Variants in DLEU7 observed in about 807,000 individuals in gnomAD.
DLEU7 encodes the protein leukemia-associated protein 7.
DLEU7 carries 17 observed loss-of-function variants against 16.0 expected under a neutral mutation model. That is an observed-to-expected ratio of 1.06 (90% CI 0.73 to 1.59). DLEU7 has a LOEUF of 1.59. DLEU7 is among the 40% of genes most tolerant of loss of function. The pLI is 0.00. For missense variants in DLEU7, 308 were observed against 314.9 expected (o/e 0.98, Z 0.17); for synonymous variants, 113 against 139.8 (o/e 0.81, Z 1.35).
intron 1 of DLEU7, among the ~76,000 whole-genome samples, chr13:50,725,616 A>G (rs919553093): frequency 1.3e-5 from 2 of 152,156 alleles, no homozygotes; most frequent in African/African-American, 4.8e-5. Flanking sequence ...TGTTTTCATC[A>G]AGAGCTAGTA....
intron 1 of DLEU7, among the ~76,000 whole-genome samples, chr13:50,725,890 TAACTC>T (rs1436788337): frequency 1.3e-5 from 2 of 152,182 alleles, no homozygotes; most frequent in African/African-American, 4.8e-5. Context: ...TATTAACAAA[TAACTC>T]TAATCATGAA....
chr13:50,805,201 G>C (rs1330681547), intron 1 of DLEU7, among the ~76,000 whole-genome samples: 1 of 152,028 alleles, frequency 6.6e-6, no homozygotes, highest in African/African-American at 2.4e-5. Context: ...TATTGCACTA[G>C]GTTAAGGAAG....
chr13:50,715,819 C>T (rs970072294), intron 1 of DLEU7, among the ~76,000 whole-genome samples: 4 of 152,236 alleles, frequency 2.6e-5, no homozygotes, highest in African/African-American at 9.6e-5. Context: ...CTTGCCTTTC[C>T]TCCCTACTGC....
chr13:50,806,537 G>A (rs1266038056), intron 1 of DLEU7, among the ~76,000 whole-genome samples: 2 of 151,730 alleles, frequency 1.3e-5, no homozygotes, highest in African/African-American at 4.8e-5. Context: ...ATTTTCTATT[G>A]CCCTAAATTC....
At chr13:50,758,107 T>A (rs891931927) in intron 1 of DLEU7, among the ~76,000 whole-genome samples, 6 of 141,766 alleles carry the variant, frequency 4.2e-5, no homozygotes, top group African/African-American at 1.6e-4. Context: ...CCTTAAGCAA[T>A]CCTCCCACCT....
intron 1 of DLEU7, among the ~76,000 whole-genome samples, chr13:50,785,253 G>A (rs1395886199): frequency 6.6e-6 from 1 of 152,146 alleles, no homozygotes; most frequent in African/African-American, 2.4e-5. Flanking sequence ...TCAGGAATGA[G>A]GCCAGGCATT....
At chr13:50,830,742 C>G (rs568281684) in intron 1 of DLEU7, among the ~76,000 whole-genome samples, 8 of 152,210 alleles carry the variant, frequency 5.3e-5, no homozygotes, top group African/African-American at 1.9e-4. Context: ...AGAATAATAG[C>G]CTTTCAGTAC....
At position 50,753,622 on chromosome 13, in the gene DLEU7, G is replaced by A. The variant is rs531797830; in HGVS notation, c.460-40382C>T. 1.3e-4 allele frequency among the ~76,000 whole-genome samples: 20 copies of A among 152,252 alleles called. 1 individual carries two copies. Among genetic ancestry groups the A allele is most frequent in the Admixed American group, 5.2e-4 (8 of 15,298 alleles). On this transcript the variant is annotated intron_variant, in intron 1 of 1. Coordinates refer to the DLEU7 transcript ENST00000400393. Reference sequence around the variant, plus strand: ...TCTGAGTGGAGTCCCCCGAGCCCACGCCCACCCGGAACTCGCACTGGCCCG... The same window carrying A: ...TCTGAGTGGAGTCCCCCGAGCCCACACCCACCCGGAACTCGCACTGGCCCG...
intron 1 of DLEU7, among the ~76,000 whole-genome samples, chr13:50,755,776 G>A (rs1593543943): frequency 6.6e-6 from 1 of 151,814 alleles, no homozygotes; most frequent in Non-Finnish European, 1.5e-5. Flanking sequence ...CGGTATTAAA[G>A]AACTTTGTAC....
At chr13:50,837,288 C>G (rs1877503048) in intron 1 of DLEU7, among the ~76,000 whole-genome samples, 1 of 152,140 alleles carries the variant, frequency 6.6e-6, no homozygotes, top group African/African-American at 2.4e-5. Flanking sequence ...GGGATGCTCA[C>G]CAGGCAAACC....
chr13:50,736,268 A>G (rs1045160974), intron 1 of DLEU7, among the ~76,000 whole-genome samples: 1 of 152,112 alleles, frequency 6.6e-6, no homozygotes, highest in Non-Finnish European at 1.5e-5. Flanking sequence ...ACCAAATACC[A>G]TGTGTTCTCA....
chr13:50,827,558 C>T (rs1203237695), intron 1 of DLEU7, among the ~76,000 whole-genome samples: 2 of 151,416 alleles, frequency 1.3e-5, no homozygotes, highest in Admixed American at 6.6e-5. Context: ...AGAGGGCATG[C>T]ACCTGTGGTC....
chr13:50,773,689 A>C (rs9596357), intron 1 of DLEU7, among the ~76,000 whole-genome samples: 4,246 of 152,188 alleles, frequency 0.028, 189 homozygotes, highest in African/African-American at 0.095. Context: ...GTCAGTGGGC[A>C]CCTACTGGGA....
chr13:50,820,948 C>T (rs1031553877), downstream of DLEU7, among the ~76,000 whole-genome samples: 1 of 151,874 alleles, frequency 6.6e-6, no homozygotes, highest in African/African-American at 2.4e-5. Flanking sequence ...TTTCAAAAGC[C>T]AGTGTGCATT....
intron 1 of DLEU7, among the ~76,000 whole-genome samples, chr13:50,828,910 T>C (rs1417461183): frequency 1.3e-5 from 2 of 152,198 alleles, no homozygotes; most frequent in East Asian, 3.8e-4. Flanking sequence ...CTTTTCTCTT[T>C]AAAGCATTCT....
chr13:50,738,056 A>T (rs1283825014), intron 1 of DLEU7, among the ~76,000 whole-genome samples: 1 of 152,166 alleles, frequency 6.6e-6, no homozygotes, highest in Non-Finnish European at 1.5e-5. Context: ...CTGGATAGTA[A>T]ATCAAACCAT....
At chr13:50,778,353 A>C (rs1875562033) in intron 1 of DLEU7, among the ~76,000 whole-genome samples, 1 of 152,172 alleles carries the variant, frequency 6.6e-6, no homozygotes, top group East Asian at 1.9e-4. Context: ...TGTGGGGATT[A>C]CGATTTGACG....
intron 1 of DLEU7, among the ~76,000 whole-genome samples, chr13:50,741,861 T>A (rs1874258702): frequency 6.6e-6 from 1 of 152,198 alleles, no homozygotes; most frequent in South Asian, 2.1e-4. Context: ...CAGACTTTTC[T>A]TTCAGTTTTT....
chr13:50,772,186 T>C (rs1422801779), intron 1 of DLEU7, among the ~76,000 whole-genome samples: 1 of 152,226 alleles, frequency 6.6e-6, no homozygotes, highest in African/African-American at 2.4e-5. Context: ...GTCTCCTAAA[T>C]ACAGCACACT....
Sources: gnomAD v4.1 joint callset for allele counts (sites outside exome capture counted in the v4.1 genomes callset) on GRCh38, gnomAD v4.1.1 for gene constraint, MANE v1.5 for transcripts, NCBI Gene and HGNC (gene_info 2026-07-23, HGNC 2026-07-21) for gene names.